PDLIM5: variants seen among roughly 807,000 people sequenced by gnomAD.
PDLIM5 encodes the protein PDZ and LIM domain protein 5.
A neutral mutation model predicts 64.2 loss-of-function variants in PDLIM5; 34 were observed. The observed-to-expected ratio is 0.53, with a 90% CI of 0.40 to 0.71. The LOEUF (loss-of-function observed/expected upper bound fraction) is 0.71. PDLIM5 is among the 30% of genes least tolerant of loss of function. The pLI is 0.00. For missense variants in PDLIM5, 683 were observed against 733.6 expected, an observed-to-expected ratio of 0.93 and a Z score of 0.80; for synonymous variants, 253 against 269.1, an observed-to-expected ratio of 0.94 and a Z score of 0.59.
intron 2 of PDLIM5, among the ~76,000 whole-genome samples, chr4:94,502,945 A>G (rs528979082): frequency 6.6e-6 from 1 of 152,244 alleles, no homozygotes; most frequent in African/African-American, 2.4e-5. Flanking sequence ...TGAAATAGAT[A>G]TCTTTGTGAT....
intron 7 of PDLIM5, among the ~76,000 whole-genome samples, chr4:94,602,114 C>T (rs1424803004): frequency 6.6e-6 from 1 of 152,090 alleles, no homozygotes; most frequent in Non-Finnish European, 1.5e-5. Flanking sequence ...AATTTATTGT[C>T]ATTTTCCTCC....
chr4:94,572,527 T>C (rs183681543), intron 3 of PDLIM5, among the ~76,000 whole-genome samples: 2 of 152,334 alleles, frequency 1.3e-5, no homozygotes, highest in Admixed American at 1.3e-4. Context: ...AAACCAATTA[T>C]TGTTACTGTT....
In PDLIM5 at chr4:94,664,689, G is replaced by C. The variant is rs1742983653; in HGVS notation, c.*622G>C. On this transcript the variant is annotated 3_prime_UTR_variant, in exon 13 of 13. Transcript: ENST00000317968. ...GTTTGAGATCAGCCTGGCCAACATGGTGAAACCCCATCTCTACTAAAAATA... is the reference window on the plus strand; with the variant it reads ...GTTTGAGATCAGCCTGGCCAACATGCTGAAACCCCATCTCTACTAAAAATA... The C allele has an allele frequency of 5.4e-6, 1 of 184,742 alleles. No homozygotes were observed. Among genetic ancestry groups the C allele is most frequent in the Non-Finnish European group, 1.0e-5 (1 of 98,096 alleles). 11.4% of individuals were successfully genotyped at this position (184,742 alleles called of 1,614,324 possible).
intron 9 of PDLIM5, among the ~76,000 whole-genome samples, chr4:94,642,978 T>G (rs1741116828): frequency 6.6e-6 from 1 of 152,204 alleles, no homozygotes; most frequent in African/African-American, 2.4e-5. Context: ...TGTTTTATAT[T>G]TACTTTTCAA....
intron 3 of PDLIM5, among the ~76,000 whole-genome samples, chr4:94,565,391 CT>C (rs1399764492): frequency 6.6e-6 from 1 of 152,192 alleles, no homozygotes; most frequent in Non-Finnish European, 1.5e-5. Context: ...GTAGTTATTT[CT>C]GTCAATCTTG....
rs1266784566 is a variant in PDLIM5, at chr4:94,645,214, C to G, written c.1283+4764C>G. 2.6e-5 allele frequency among the ~76,000 whole-genome samples: 4 copies of G among 152,304 alleles called. No homozygotes were observed. The East Asian group carries it at 7.7e-4, about 29-fold the overall frequency. ...GTTACTTCACTTAGAATAGTAGTTT[C>G]TAGTTCCATCCAGGTTGCTGTGAAT... On this transcript the variant is annotated intron_variant, in intron 9 of 12. Transcript: ENST00000317968.
intron 7 of PDLIM5, chr4:94,611,240 T>TGAAA: frequency 6.7e-7 from 1 of 1,498,436 alleles, no homozygotes; most frequent in Non-Finnish European, 9.0e-7. Flanking sequence ...GGTTCGCTGT[T>TGAAA]AAGCATACTG....
At chr4:94,553,685 A>G (rs183706107) in intron 3 of PDLIM5, among the ~76,000 whole-genome samples, 1 of 152,174 alleles carries the variant, frequency 6.6e-6, no homozygotes, top group African/African-American at 2.4e-5. Flanking sequence ...CACTGTGTGG[A>G]TTACCTTAGT....
At position 94,618,209 on chromosome 4, in the gene PDLIM5, C is replaced by T; in HGVS notation, c.1108+18C>T. On this transcript the variant is annotated intron_variant, in intron 8 of 12. Transcript: ENST00000317968. ...CCAAGGAGGTAGCCCAGAGAAATCT[C>T]TTGCGTCTTGCTTTTCGTAATGAGT... The T allele has an allele frequency of 2.0e-6, 3 of 1,532,000 alleles. No individual in the cohort carries two copies. The South Asian group carries it at 3.6e-5, about 19-fold the overall frequency. The allele number at this position is 1,532,000 out of a possible 1,614,324, so 94.9% of individuals were successfully genotyped here.
intron 3 of PDLIM5, among the ~76,000 whole-genome samples, chr4:94,544,774 G>C (rs1732158529): frequency 6.6e-6 from 1 of 152,166 alleles, no homozygotes; most frequent in Non-Finnish European, 1.5e-5. Context: ...TCATGCCTCA[G>C]CCTCCCGAGT....
intron 2 of PDLIM5, among the ~76,000 whole-genome samples, chr4:94,457,658 C>T (rs948675842): frequency 3.9e-5 from 6 of 152,142 alleles, no homozygotes; most frequent in Middle Eastern, 3.4e-3. Flanking sequence ...AGTATGTTTG[C>T]GAATTTTGTG....
chr4:94,527,347 G>A (rs1299312848), intron 3 of PDLIM5, among the ~76,000 whole-genome samples: 1 of 151,868 alleles, frequency 6.6e-6, no homozygotes, highest in Non-Finnish European at 1.5e-5. Flanking sequence ...GAGTCACCAC[G>A]CGTGGCCCTG....
chr4:94,643,822 C>A (rs562041939), intron 9 of PDLIM5, among the ~76,000 whole-genome samples: 204 of 152,236 alleles, frequency 1.3e-3, no homozygotes, highest in African/African-American at 4.6e-3. Flanking sequence ...ATAAGGAGCA[C>A]CATCTCAGTT....
intron 3 of PDLIM5, among the ~76,000 whole-genome samples, chr4:94,560,876 G>A (rs954822159): frequency 6.6e-6 from 1 of 152,010 alleles, no homozygotes; most frequent in African/African-American, 2.4e-5. Flanking sequence ...ACAGTCGCCC[G>A]CCACCACGCC....
At chr4:94,592,593 T>C (rs1427230468) in intron 7 of PDLIM5, among the ~76,000 whole-genome samples, 1 of 152,124 alleles carries the variant, frequency 6.6e-6, no homozygotes, top group African/African-American at 2.4e-5. Flanking sequence ...AATGACTGCA[T>C]TGAGTGTAAA....
At chr4:94,564,633 C>T (rs952500958) in intron 3 of PDLIM5, among the ~76,000 whole-genome samples, 32 of 149,104 alleles carry the variant, frequency 2.1e-4, no homozygotes, top group African/African-American at 7.0e-4. Context: ...GATGTAAGCA[C>T]CTTCAAAGGA....
chr4:94,517,224 C>G (rs932035812), intron 2 of PDLIM5, among the ~76,000 whole-genome samples: 1 of 152,118 alleles, frequency 6.6e-6, no homozygotes, highest in Non-Finnish European at 1.5e-5. Context: ...TGAAAGTTCT[C>G]TGTCATAGGT....
chr4:94,501,151 C>T (rs1727882078), intron 2 of PDLIM5, among the ~76,000 whole-genome samples: 1 of 151,418 alleles, frequency 6.6e-6, no homozygotes, highest in Non-Finnish European at 1.5e-5. Flanking sequence ...CACCTCACTG[C>T]AGCCTCGACC....
intron 9 of PDLIM5, among the ~76,000 whole-genome samples, chr4:94,641,282 A>G (rs1740983398): frequency 6.6e-6 from 1 of 152,242 alleles, no homozygotes; most frequent in African/African-American, 2.4e-5. Context: ...CTAAAGTTGA[A>G]TAAGGTTAAA....
Sources: allele counts gnomAD v4.1 joint callset (sites outside exome capture counted in the v4.1 genomes callset), GRCh38; gene constraint gnomAD v4.1.1; transcripts MANE v1.5; gene names NCBI Gene and HGNC (gene_info 2026-07-23, HGNC 2026-07-21).